The following GPRIN1 variants were observed in gnomAD, a reference collection of about 807,000 sequenced individuals.
The protein encoded by GPRIN1 is G protein regulated inducer of neurite outgrowth 1, also known as G protein-regulated inducer of neurite outgrowth 1.
In GPRIN1, 4 loss-of-function variants were observed where a neutral mutation model predicts 2.8. That is an observed-to-expected ratio of 1.45 (90% CI 0.71 to 3.32). The LOEUF (loss-of-function observed/expected upper bound fraction) is 3.32, where lower values mean the gene tolerates loss of function less well. Among genes scored for constraint, GPRIN1 ranks in the 30% most tolerant of loss-of-function variants. GPRIN1 has a pLI of 0.01. For missense variants in GPRIN1, 1,322 were observed against 1,343.4 expected (o/e 0.98, Z 0.25); for synonymous variants, 589 against 589.9 (o/e 1.00, Z 0.02).
chr5:176,606,084 G>A (rs907799911), intron 1 of GPRIN1, among the ~76,000 whole-genome samples: 4 of 152,130 alleles, frequency 2.6e-5, no homozygotes, highest in African/African-American at 4.8e-5. Flanking sequence ...GGTGCAGCCC[G>A]GGCAGAAAGT....
At chr5:176,604,090 G>A (rs1759187462) in intron 1 of GPRIN1, among the ~76,000 whole-genome samples, 1 of 152,216 alleles carries the variant, frequency 6.6e-6, no homozygotes, top group Non-Finnish European at 1.5e-5. Flanking sequence ...ATACAGCAGT[G>A]AATAAGAAAT....
Position 176,597,317 on chromosome 5 carries a change from A to C in GPRIN1, c.2518T>G (p.Phe840Val). ...GCGCGCGGCGCCGCCTGGAAGCTGAAGGCCGAGCCCCCAGCGCCGTCCTGC... is the reference window on the plus strand; with the variant it reads ...GCGCGCGGCGCCGCCTGGAAGCTGACGGCCGAGCCCCCAGCGCCGTCCTGC... ...SPQDGAGGSA[F>V]SFQAAPRAPS... The change falls in exon 2 of 2, where the codon TTC becomes GTC. Residue 840 changes from phenylalanine (F) to valine (V), a missense_variant. Physicochemically the swap from Phe to Val is conservative, Grantham distance 50. Transcript: ENST00000303991. The surrounding 1 kb of genome is among the most constrained non-coding windows in gnomAD (Gnocchi z 6.1). 1 of 1,235,334 alleles carries C rather than the reference A, an allele frequency of 8.1e-7. No individual in the cohort carries two copies. The highest frequency in any genetic ancestry group is 1.0e-6 in the Non-Finnish European group (1 of 991,154). 76.5% of individuals were successfully genotyped at this position (1,235,334 alleles called of 1,614,324 possible).
In GPRIN1 at chr5:176,597,729, C is replaced by T. The variant is rs778034241; in HGVS notation, c.2106G>A (p.Thr702=). 8.8e-6 allele frequency: 14 copies of T among 1,599,156 alleles called. No individual in the cohort carries two copies. Among genetic ancestry groups the T allele is most frequent in the Middle Eastern group, 1.7e-4 (1 of 6,004 alleles). Residue 702 remains threonine, a synonymous_variant, in exon 2 of 2, where the codon ACG becomes ACA. Coordinates refer to ENST00000303991, the MANE Select transcript of GPRIN1 (RefSeq NM_052899.3). This position sits in a 1 kb window ranked among gnomAD's most constrained non-coding sequence, Gnocchi z 6.1. ...GKADSAPSRK[T]ESPSLGKVVP... ...CCACCTTCCCCAAGGATGGGGACTC[C>T]GTTTTTCTGGAAGGTGCAGAGTCGG...
In GPRIN1 at chr5:176,596,602, G is replaced by A; in HGVS notation, c.*206C>T. ...GGGCGTCAGGGCTGGCCGGGTTCGT[G>A]GCCTCGTGGCCACGAGGGAGCTTGG... On this transcript the variant is annotated 3_prime_UTR_variant, in exon 2 of 2. Transcript: ENST00000303991. This position sits in a 1 kb window ranked among gnomAD's most constrained non-coding sequence, Gnocchi z 5.2. 1 of 321,410 alleles carries A rather than the reference G, an allele frequency of 3.1e-6. No individual in the cohort carries two copies. The highest frequency in any genetic ancestry group is 5.2e-5 in the Admixed American group (1 of 19,118). The allele number at this position is 321,410 out of a possible 1,614,324, so 19.9% of individuals were successfully genotyped here.
At position 176,597,232 on chromosome 5, in the gene GPRIN1, G is replaced by A. The variant is rs780805779; in HGVS notation, c.2603C>T (p.Thr868Met). 22 of 1,256,932 alleles carry A rather than the reference G, an allele frequency of 1.8e-5. No homozygotes were observed. Among genetic ancestry groups the A allele is most frequent in the African/African-American group, 3.1e-5 (2 of 64,114 alleles). 77.9% of individuals were successfully genotyped at this position (1,256,932 alleles called of 1,614,324 possible). Residue 868 changes from threonine to methionine, a missense_variant, in exon 2 of 2, where the codon ACG (threonine) becomes ATG (methionine). By Grantham distance (81) the Thr-to-Met change is moderately conservative. Around this residue, in one of 3 missense-constraint regions of GPRIN1, gnomAD observed 1,117 missense variants for 1,128.6 expected, o/e 0.99. Coordinates refer to ENST00000303991, the MANE Select transcript of GPRIN1 (RefSeq NM_052899.3). The surrounding 1 kb of genome is among the most constrained non-coding windows in gnomAD (Gnocchi z 6.1). ...GLQVSLGAAETRSVATGPMTP... is the reference protein window; with the variant it reads ...GLQVSLGAAEMRSVATGPMTP... ...CATGGGCCCAGTGGCCACGGAGCGC[G>A]TCTCGGCGGCGCCCAGCGACACCTG...
intron 1 of GPRIN1, among the ~76,000 whole-genome samples, chr5:176,607,036 A>C (rs1759232077): frequency 6.6e-6 from 1 of 152,196 alleles, no homozygotes; most frequent in Non-Finnish European, 1.5e-5. Context: ...CAGCTTAGTC[A>C]TTGACATCCT....
Position 176,596,926 on chromosome 5 carries a change from G to T in GPRIN1, c.2909C>A (p.Ser970Ter). The T allele has an allele frequency of 8.2e-7, 1 of 1,218,700 alleles. No homozygotes were observed. The allele number at this position is 1,218,700 out of a possible 1,614,324, so 75.5% of individuals were successfully genotyped here. ...GCCATCTGGGGGCGCGGTGCGCACCGAGCCCGAACGGCCGGGGCCGGCACG... is the reference window on the plus strand; with the variant it reads ...GCCATCTGGGGGCGCGGTGCGCACCTAGCCCGAACGGCCGGGGCCGGCACG... The part of the protein sequence containing the change: ...AARAGPGRSG[S>*]VRTAPPDGAA... The change falls in exon 2 of 2, where the codon TCG becomes TAG. Residue 970 changes from serine to a stop codon, truncating the protein, a stop_gained. Transcript: ENST00000303991. LOFTEE classifies it high-confidence loss of function. This position sits in a 1 kb window ranked among gnomAD's most constrained non-coding sequence, Gnocchi z 5.2.
chr5:176,608,972 G>C (rs1042315465), intron 1 of GPRIN1, among the ~76,000 whole-genome samples: 1 of 152,196 alleles, frequency 6.6e-6, no homozygotes, highest in Non-Finnish European at 1.5e-5. Context: ...GAGCAGCGAA[G>C]TCTCCTGCTC....
chr5:176,603,615 C>T (rs1759179830), intron 1 of GPRIN1, among the ~76,000 whole-genome samples: 1 of 152,092 alleles, frequency 6.6e-6, no homozygotes, highest in African/African-American at 2.4e-5. Context: ...AACAGTTTTG[C>T]AGAGGATCAT....
At position 176,598,147 on chromosome 5, in the gene GPRIN1, G is replaced by C. The variant is rs138265048; in HGVS notation, c.1688C>G (p.Pro563Arg). Residue 563 changes from proline (P) to arginine (R), a missense_variant, in exon 2 of 2, where the codon CCC becomes CGC. By Grantham distance (103) the Pro-to-Arg change is moderately radical. Coordinates refer to ENST00000303991, the MANE Select transcript of GPRIN1 (RefSeq NM_052899.3). ...AGACACAGAGTCCCCTTGTCCAGAG[G>C]GGCCAGCGTCTGCCTTTCCCTTGCT... Reference protein sequence around the residue: ...PVSKGKADAGPSGQGDSVSIG... With the variant: ...PVSKGKADAGRSGQGDSVSIG... 1,042 of 1,612,690 alleles carry C rather than the reference G, an allele frequency of 6.5e-4. No homozygotes were observed. Among genetic ancestry groups the C allele is most frequent in the Non-Finnish European group, 8.2e-4 (969 of 1,180,016 alleles).
rs1201694018 is a variant in GPRIN1 at position 176,597,442 on chromosome 5, G to A, written c.2393C>T (p.Pro798Leu). ...CGGCGGGGCGCTCGCCTCCCACGAC[G>A]GCGCCTTGGTGAAGTTGTCGCGAGT... ...PRTRDNFTKA[P>L]SWEASAPPPP... The change falls in exon 2 of 2, where the codon CCG becomes CTG. Residue 798 changes from proline to leucine, a missense_variant. Physicochemically the swap from Pro to Leu is moderately conservative, Grantham distance 98. Coordinates refer to ENST00000303991, the MANE Select transcript of GPRIN1 (RefSeq NM_052899.3). This position sits in a 1 kb window ranked among gnomAD's most constrained non-coding sequence, Gnocchi z 6.1. The A allele has an allele frequency of 5.4e-6, 7 of 1,303,214 alleles. No individual in the cohort carries two copies. The East Asian group carries it at 9.4e-5, about 17-fold the overall frequency. The allele number at this position is 1,303,214 out of a possible 1,614,324, so 80.7% of individuals were successfully genotyped here.
In GPRIN1 at chr5:176,597,506, G is replaced by A. The variant is rs1012695065; in HGVS notation, c.2329C>T (p.Pro777Ser). 4.1e-6 allele frequency: 6 copies of A among 1,459,286 alleles called. No individual in the cohort carries two copies. In the African/African-American group the frequency reaches 8.6e-5, roughly 21 times the overall value. 90.4% of individuals were successfully genotyped at this position (1,459,286 alleles called of 1,614,324 possible). Residue 777 changes from proline (P) to serine (S), a missense_variant, in exon 2 of 2, where the codon CCC (proline) becomes TCC (serine). By Grantham distance (74) the Pro-to-Ser change is moderately conservative. This residue lies in a region of GPRIN1 where 1,117 missense variants were observed against 1,128.6 expected (regional missense o/e 0.99). Transcript: ENST00000303991. The surrounding 1 kb of genome is among the most constrained non-coding windows in gnomAD (Gnocchi z 6.1). ...DLEAAGAERSPCPEAAAPPPG... is the reference protein window; with the variant it reads ...DLEAAGAERSSCPEAAAPPPG... ...GGGGGCGCTGCGGCCTCTGGGCAGG[G>A]GCTTCTCTCGGCCCCAGCGGCTTCC...
intron 1 of GPRIN1, among the ~76,000 whole-genome samples, chr5:176,601,181 T>C (rs1043022703): frequency 6.6e-6 from 1 of 152,196 alleles, no homozygotes; most frequent in African/African-American, 2.4e-5. Flanking sequence ...GAATGGTTTA[T>C]AGTCAAGGAA....
In GPRIN1 at chr5:176,597,251, A is replaced by T; in HGVS notation, c.2584T>A (p.Ser862Thr). ...GAGCGCGTCTCGGCGGCGCCCAGCG[A>T]CACCTGCAGGCCCGCATCTCGGCGC... is the stretch of plus-strand genomic sequence containing the variant. ...PSRRDAGLQV[S>T]LGAAETRSVA... Residue 862 changes from serine to threonine, a missense_variant, in exon 2 of 2, where the codon TCG becomes ACG. By Grantham distance (58) the Ser-to-Thr change is moderately conservative. Coordinates refer to ENST00000303991, the MANE Select transcript of GPRIN1 (RefSeq NM_052899.3). This position sits in a 1 kb window ranked among gnomAD's most constrained non-coding sequence, Gnocchi z 6.1. 1 of 1,253,570 alleles carries T rather than the reference A, an allele frequency of 8.0e-7. No homozygotes were observed. The highest frequency in any genetic ancestry group is 1.0e-6 in the Non-Finnish European group (1 of 1,001,366). 77.7% of individuals were successfully genotyped at this position (1,253,570 alleles called of 1,614,324 possible).
At chr5:176,600,583 T>A (rs1321987467) in intron 1 of GPRIN1, among the ~76,000 whole-genome samples, 1 of 151,340 alleles carries the variant, frequency 6.6e-6, no homozygotes, top group African/African-American at 2.4e-5. Flanking sequence ...CAAAAGGGAG[T>A]GGTGGGGACT....
rs1400245101 is a variant in GPRIN1, at chr5:176,596,413, C to A, written c.*395G>T. On this transcript the variant is annotated 3_prime_UTR_variant, in exon 2 of 2. Transcript: ENST00000303991. This position sits in a 1 kb window ranked among gnomAD's most constrained non-coding sequence, Gnocchi z 5.2. ...CCACTCAGACTTGTATGCAGTCTCT[C>A]CCTGTTCTGGGGATCTGGCCCCACC... The A allele has an allele frequency of 1.3e-5, 2 of 155,340 alleles. No homozygotes were observed. Among genetic ancestry groups the A allele is most frequent in the African/African-American group, 2.4e-5 (1 of 41,572 alleles). The allele number at this position is 155,340 out of a possible 1,614,324, so 9.6% of individuals were successfully genotyped here.
At chr5:176,606,661 C>T (rs1035047966) in intron 1 of GPRIN1, among the ~76,000 whole-genome samples, 4 of 152,182 alleles carry the variant, frequency 2.6e-5, no homozygotes, top group Non-Finnish European at 5.9e-5. Context: ...TGCCATCAAT[C>T]ATGGAATTCT....
At chr5:176,606,142 TCTC>T (rs1379963633) in intron 1 of GPRIN1, among the ~76,000 whole-genome samples, 1 of 152,082 alleles carries the variant, frequency 6.6e-6, no homozygotes, top group African/African-American at 2.4e-5. Flanking sequence ...GCAACGCCCT[TCTC>T]CTCCTTGGGG....
intron 1 of GPRIN1, among the ~76,000 whole-genome samples, chr5:176,605,174 A>G (rs1043598056): frequency 1.9e-4 from 28 of 151,332 alleles, no homozygotes; most frequent in African/African-American, 5.1e-4. Context: ...GCTCACTGCA[A>G]CCTCTGCCTC....
Sources: gnomAD v4.1 joint callset for allele counts (sites outside exome capture counted in the v4.1 genomes callset) on GRCh38, gnomAD v4.1.1 for gene constraint, gnomAD v4.1.1 regional missense constraint, Gnocchi (gnomAD v3.1) non-coding constraint, MANE v1.5 for transcripts, NCBI Gene and HGNC (gene_info 2026-07-23, HGNC 2026-07-21) for gene names.